Variants in NOX4 observed in about 807,000 individuals in gnomAD.
NOX4 encodes the protein NADPH oxidase 4.
Under a neutral mutation model 87.6 loss-of-function variants are expected in NOX4, and 69 were observed. The ratio of observed to expected loss-of-function variants is 0.79; its 90% confidence interval spans 0.65 to 0.96. The LOEUF is 0.96. Ranked by LOEUF, NOX4 falls within the 40% of genes least tolerant of loss-of-function variation. The probability of loss-of-function intolerance (pLI) is 0.00; values close to 1 mark genes in which losing one functional copy is unlikely to be tolerated. For synonymous variants in NOX4, 275 were observed against 238.2 expected (o/e 1.15, Z -1.42); for missense variants, 680 against 681.5 (o/e 1.00, Z 0.02).
upstream of NOX4, chr11:89,499,182 C>T (rs1173935614): frequency 6.6e-6 from 1 of 152,166 alleles, no homozygotes; most frequent in East Asian, 1.9e-4. Flanking sequence ...AAGCAGTCCA[C>T]TTTGTAGGAG....
At chr11:89,438,854 T>A (rs1469878462) in intron 6 of NOX4, among the ~76,000 whole-genome samples, 4 of 45,248 alleles carry the variant, frequency 8.8e-5, no homozygotes, top group South Asian at 5.5e-4. Context: ...TATTATATAA[T>A]ATATTATATA....
the NOX4 span, among the ~76,000 whole-genome samples, chr11:89,584,046 G>T: frequency 6.6e-6 from 1 of 151,920 alleles, no homozygotes; most frequent in African/African-American, 2.4e-5. Context: ...TGTTACTATC[G>T]TAACAGTAAG....
At chr11:89,548,394 T>C in the NOX4 span, 1 of 152,240 alleles carries the variant, frequency 6.6e-6, no homozygotes, top group Non-Finnish European at 1.5e-5. Flanking sequence ...GGCAGCCTGA[T>C]GGGACTGCCA....
chr11:89,396,607 T>C (rs1386945339), intron 11 of NOX4, among the ~76,000 whole-genome samples: 4 of 151,618 alleles, frequency 2.6e-5, no homozygotes, highest in African/African-American at 9.7e-5. Context: ...AGGCTCAAAA[T>C]AAAGGGAGGG....
chr11:89,428,351 C>T (rs908970873), intron 7 of NOX4, among the ~76,000 whole-genome samples: 1 of 152,114 alleles, frequency 6.6e-6, no homozygotes, highest in African/African-American at 2.4e-5. Context: ...ATGACAGGAT[C>T]AAATTCACAC....
intron 12 of NOX4, among the ~76,000 whole-genome samples, chr11:89,359,878 A>G (rs996375788): frequency 6.6e-6 from 1 of 152,132 alleles, no homozygotes; most frequent in Non-Finnish European, 1.5e-5. Context: ...GTACTTGAAC[A>G]GAAGTTCTTT....
chr11:89,525,022 A>C, the NOX4 span, among the ~76,000 whole-genome samples: 2 of 152,014 alleles, frequency 1.3e-5, no homozygotes, highest in Non-Finnish European at 2.9e-5. Flanking sequence ...TGCAGATTAA[A>C]ATTTCTGCTT....
chr11:89,511,263 T>G, the NOX4 span, among the ~76,000 whole-genome samples: 1 of 152,150 alleles, frequency 6.6e-6, no homozygotes, highest in East Asian at 1.9e-4. Flanking sequence ...ATTAAAAATC[T>G]ATTCTTTTCG....
chr11:89,368,964 C>T (rs192728114), intron 12 of NOX4, among the ~76,000 whole-genome samples: 3 of 152,046 alleles, frequency 2.0e-5, no homozygotes, highest in African/African-American at 4.8e-5. Flanking sequence ...AAAATACTCT[C>T]TTACTTTTAT....
chr11:89,496,108 G>A (rs555105095), upstream of NOX4, among the ~76,000 whole-genome samples: 2 of 152,276 alleles, frequency 1.3e-5, no homozygotes, highest in South Asian at 2.1e-4. Flanking sequence ...TGGTCCAAAG[G>A]CTTAACATTC....
chr11:89,520,157 G>A, the NOX4 span, among the ~76,000 whole-genome samples: 2 of 151,946 alleles, frequency 1.3e-5, no homozygotes, highest in Non-Finnish European at 2.9e-5. Context: ...ATGGAAGAGG[G>A]ATATTGGGTA....
At chr11:89,421,722 T>C (rs575482071) in intron 8 of NOX4, among the ~76,000 whole-genome samples, 180 bp downstream of exon 8, 1 of 152,170 alleles carries the variant, frequency 6.6e-6, no homozygotes, top group Non-Finnish European at 1.5e-5. Context: ...TTCATTACAA[T>C]ATGCTATGCT....
At chr11:89,557,491 G>C in the NOX4 span, among the ~76,000 whole-genome samples, 1 of 152,158 alleles carries the variant, frequency 6.6e-6, no homozygotes, top group African/African-American at 2.4e-5. Flanking sequence ...CTGCTGAGTA[G>C]TAAATCACAC....
intron 11 of NOX4, among the ~76,000 whole-genome samples, chr11:89,377,095 G>C (rs1939903730): frequency 6.6e-6 from 1 of 151,930 alleles, no homozygotes; most frequent in African/African-American, 2.4e-5. Context: ...AAAATAAAAA[G>C]ACAGATATTT....
chr11:89,470,619 C>A (rs1405792167), intron 2 of NOX4, among the ~76,000 whole-genome samples: 1 of 152,090 alleles, frequency 6.6e-6, no homozygotes, highest in East Asian at 1.9e-4. Context: ...TCTATTCCAC[C>A]ACTTCAGAGG....
At chr11:89,569,286 G>A in the NOX4 span, among the ~76,000 whole-genome samples, 3 of 151,250 alleles carry the variant, frequency 2.0e-5, no homozygotes, top group African/African-American at 7.3e-5. Context: ...TAAATTGAAA[G>A]AAAAAATATT....
chr11:89,459,613 G>A (rs2135411112), intron 2 of NOX4, among the ~76,000 whole-genome samples: 1 of 152,064 alleles, frequency 6.6e-6, no homozygotes, highest in East Asian at 1.9e-4. Context: ...GGATGTGAAG[G>A]ACCTCTTCAA....
chr11:89,429,496 A>C (rs1238904642), intron 7 of NOX4, among the ~76,000 whole-genome samples: 1 of 152,202 alleles, frequency 6.6e-6, no homozygotes, highest in African/African-American at 2.4e-5. Context: ...GAGAAGAATC[A>C]AATAGATGCA....
At chr11:89,543,827 T>C in the NOX4 span, among the ~76,000 whole-genome samples, 2 of 152,074 alleles carry the variant, frequency 1.3e-5, no homozygotes, top group Non-Finnish European at 2.9e-5. Context: ...GGAAAGTAAA[T>C]AGATATTGTC....
Sources: allele counts gnomAD v4.1 joint callset (sites outside exome capture counted in the v4.1 genomes callset), GRCh38; gene constraint gnomAD v4.1.1; transcripts MANE v1.5; gene names NCBI Gene and HGNC (gene_info 2026-07-23, HGNC 2026-07-21).